The following LHFPL2 variants were observed in gnomAD, a reference collection of about 807,000 sequenced individuals.
The protein encoded by LHFPL2 is LHFPL tetraspan subfamily member 2.
A neutral mutation model predicts 17.5 loss-of-function variants in LHFPL2; 7 were observed. The ratio of observed to expected loss-of-function variants is 0.40; its 90% confidence interval spans 0.23 to 0.75. LHFPL2 has a LOEUF of 0.75. Ranked by LOEUF, LHFPL2 falls within the 30% of genes least tolerant of loss-of-function variation. LHFPL2 has a pLI of 0.37. For missense variants in LHFPL2, 241 were observed against 294.8 expected (o/e 0.82, Z 1.34); for synonymous variants, 134 against 116.2 (o/e 1.15, Z -0.99).
In LHFPL2 at chr5:78,488,219, A is replaced by ATGAT. The variant is rs1326205151; in HGVS notation, c.*674_*677dup. 1.3e-5 allele frequency: 2 copies of ATGAT among 152,122 alleles called. No individual in the cohort carries two copies. Among genetic ancestry groups the ATGAT allele is most frequent in the African/African-American group, 2.4e-5 (1 of 41,254 alleles). 9.4% of individuals were successfully genotyped at this position (152,122 alleles called of 1,614,324 possible). On this transcript the variant is annotated 3_prime_UTR_variant, in exon 5 of 5. Transcript: ENST00000380345. ...CAAGATTTCATATTTTTGTTCTCAT[A>ATGAT]TGATTGTATAGGTCCTTATTGTTTC...
intron 2 of LHFPL2, among the ~76,000 whole-genome samples, chr5:78,599,403 A>C (rs1319385779): frequency 6.6e-6 from 1 of 151,768 alleles, no homozygotes; most frequent in South Asian, 2.1e-4. Flanking sequence ...AAGTTCAAGC[A>C]GTTCTCCTGC....
chr5:78,515,243 A>C (rs1258177154), intron 3 of LHFPL2, among the ~76,000 whole-genome samples: 1 of 63,526 alleles, frequency 1.6e-5, no homozygotes, highest in Non-Finnish European at 3.1e-5. Flanking sequence ...TTAGTCAAGA[A>C]TAGTCTTCCC....
At chr5:78,643,751 G>A (rs1420211854) in intron 1 of LHFPL2, among the ~76,000 whole-genome samples, 2 of 152,144 alleles carry the variant, frequency 1.3e-5, no homozygotes, top group Non-Finnish European at 2.9e-5. Context: ...TATCAGGAGA[G>A]GTTAGTGGCT....
rs1394292928 is a variant in LHFPL2 at position 78,494,972 on chromosome 5, A to T, written c.431-5819T>A. Among the ~76,000 whole-genome samples, 4 of 152,214 alleles carry T rather than the reference A, an allele frequency of 2.6e-5. No individual in the cohort carries two copies. In the South Asian group the frequency reaches 6.2e-4, roughly 24 times the overall value. ...AACATTTTGCACTGAGTGTGATCAG[A>T]CCAGTCACAAATTTATGTCTTAGGT... On this transcript the variant is annotated intron_variant, in intron 4 of 4. Coordinates refer to ENST00000380345, the MANE Select transcript of LHFPL2 (RefSeq NM_005779.3).
intron 2 of LHFPL2, among the ~76,000 whole-genome samples, chr5:78,579,070 G>T (rs1757212208): frequency 1.3e-5 from 2 of 152,130 alleles, no homozygotes; most frequent in Non-Finnish European, 2.9e-5. Flanking sequence ...AGTATCAAGG[G>T]GTAGGTTATT....
At chr5:78,580,720 A>G (rs189351276) in intron 2 of LHFPL2, among the ~76,000 whole-genome samples, 1 of 152,282 alleles carries the variant, frequency 6.6e-6, no homozygotes, top group African/African-American at 2.4e-5. Flanking sequence ...CTGTTTTGGT[A>G]CCAGTACCAT....
intron 2 of LHFPL2, among the ~76,000 whole-genome samples, chr5:78,588,322 C>A (rs11950262): frequency 0.014 from 2,078 of 152,308 alleles, 44 homozygotes; most frequent in African/African-American, 0.046. Context: ...AGGTGCATGA[C>A]ACAGCACCCA....
chr5:78,571,753 T>G (rs979375978), intron 2 of LHFPL2, among the ~76,000 whole-genome samples: 2 of 152,226 alleles, frequency 1.3e-5, no homozygotes, highest in Non-Finnish European at 2.9e-5. Context: ...CAGCACTGCC[T>G]GTCCACAGCT....
intron 2 of LHFPL2, among the ~76,000 whole-genome samples, chr5:78,587,429 T>G (rs1161058487): frequency 6.6e-6 from 1 of 152,202 alleles, no homozygotes; most frequent in East Asian, 1.9e-4. Flanking sequence ...CAGAAAATGC[T>G]GACATCTCTG....
In LHFPL2 at chr5:78,632,371, G is replaced by T. The variant is rs1371296147; in HGVS notation, c.-349-3C>A. On this transcript the variant is annotated splice_polypyrimidine_tract_variant and splice_region_variant and intron_variant, in intron 1 of 4. Coordinates refer to ENST00000380345, the MANE Select transcript of LHFPL2 (RefSeq NM_005779.3). Reference sequence around the variant, plus strand: ...CAAGAGTCTGATTCCCAACTCACCTGAAAAACAATTGGAAAAAGTCATTTT... The same window carrying T: ...CAAGAGTCTGATTCCCAACTCACCTTAAAAACAATTGGAAAAAGTCATTTT... 6.6e-6 allele frequency: 1 copy of T among 152,160 alleles called. No individual in the cohort carries two copies. Among genetic ancestry groups the T allele is most frequent in the East Asian group, 1.9e-4 (1 of 5,192 alleles). 9.4% of individuals were successfully genotyped at this position (152,160 alleles called of 1,614,324 possible).
At chr5:78,602,838 T>C (rs1040833777) in intron 2 of LHFPL2, among the ~76,000 whole-genome samples, 1 of 152,100 alleles carries the variant, frequency 6.6e-6, no homozygotes, top group Admixed American at 6.6e-5. Flanking sequence ...ATAGCAATTA[T>C]CTTATTTAAA....
At chr5:78,534,341 T>G (rs1482484951) in intron 3 of LHFPL2, among the ~76,000 whole-genome samples, 1 of 151,212 alleles carries the variant, frequency 6.6e-6, no homozygotes, top group East Asian at 2.0e-4. Context: ...TGGCCGGGAG[T>G]CCAGGGAGCT....
intron 3 of LHFPL2, among the ~76,000 whole-genome samples, chr5:78,538,959 C>G (rs1450836443): frequency 2.0e-5 from 3 of 152,334 alleles, no homozygotes; most frequent in East Asian, 1.9e-4. Context: ...ATTCCTAGCT[C>G]TGCTCTCCAA....
chr5:78,570,494 G>C (rs1756968564), intron 2 of LHFPL2, among the ~76,000 whole-genome samples: 1 of 151,982 alleles, frequency 6.6e-6, no homozygotes, highest in African/African-American at 2.4e-5. Context: ...TCTATTGTAG[G>C]GTAGCCCTAG....
rs71613975 is a variant in LHFPL2, at chr5:78,609,450, C to CAAAAAAA, written c.-245+22807_-245+22813dup. ...TGGGAAACAGAGCGAGACTCAGTCT[C>CAAAAAAA]AAAAAAAAAAAAAAAAAAAAAAAAA... On this transcript the variant is annotated intron_variant, in intron 2 of 4. Transcript: ENST00000380345. Among the ~76,000 whole-genome samples the CAAAAAAA allele has an allele frequency of 6.9e-4, 28 of 40,672 alleles. 2 individuals are homozygous for CAAAAAAA. Among genetic ancestry groups the CAAAAAAA allele is most frequent in the African/African-American group, 2.0e-3 (23 of 11,682 alleles). The allele number at this position is 40,672 out of a possible 152,430, so 26.7% of individuals were successfully genotyped here.
intron 2 of LHFPL2, among the ~76,000 whole-genome samples, chr5:78,580,375 T>C (rs1423015062): frequency 1.3e-5 from 2 of 152,194 alleles, no homozygotes; most frequent in Non-Finnish European, 2.9e-5. Flanking sequence ...CAATTCTGGC[T>C]TTTGTTGCCA....
At chr5:78,513,617 TG>T (rs2112329700) in intron 3 of LHFPL2, among the ~76,000 whole-genome samples, 1 of 152,218 alleles carries the variant, frequency 6.6e-6, no homozygotes, top group African/African-American at 2.4e-5. Context: ...AATTCTCACG[TG>T]TTATGGGAAG....
chr5:78,555,581 T>C (rs577030633), intron 3 of LHFPL2, among the ~76,000 whole-genome samples: 1 of 152,280 alleles, frequency 6.6e-6, no homozygotes, highest in Admixed American at 6.5e-5. Context: ...GTCTTTCTAC[T>C]GGAAGTGGGG....
At position 78,623,667 on chromosome 5, in the gene LHFPL2, A is replaced by G. The variant is rs116002272; in HGVS notation, c.-245+8597T>C. On this transcript the variant is annotated intron_variant, in intron 2 of 4. Coordinates refer to ENST00000380345, the MANE Select transcript of LHFPL2 (RefSeq NM_005779.3). ...GCACTCCCACCTCACTTTTGTTTATACTTTCAAGAATCCTGAAGAGAATAA... is the reference window on the plus strand; with the variant it reads ...GCACTCCCACCTCACTTTTGTTTATGCTTTCAAGAATCCTGAAGAGAATAA... Among the ~76,000 whole-genome samples, 574 of 152,346 alleles carry G rather than the reference A, an allele frequency of 3.8e-3. 4 individuals are homozygous for G. Among genetic ancestry groups the G allele is most frequent in the African/African-American group, 0.012 (495 of 41,588 alleles).
Sources: gnomAD v4.1 joint callset for allele counts (sites outside exome capture counted in the v4.1 genomes callset) on GRCh38, gnomAD v4.1.1 for gene constraint, MANE v1.5 for transcripts, NCBI Gene and HGNC (gene_info 2026-07-23, HGNC 2026-07-21) for gene names.